The following ZNRF1 variants were observed in gnomAD, a reference collection of about 807,000 sequenced individuals.
ZNRF1 encodes the protein E3 ubiquitin-protein ligase ZNRF1.
A neutral mutation model predicts 18.4 loss-of-function variants in ZNRF1; 3 were observed. The observed-to-expected ratio is 0.16, with a 90% CI of 0.07 to 0.42. ZNRF1 has a LOEUF of 0.42. ZNRF1 is among the 10% of genes least tolerant of loss of function. The pLI, the probability that ZNRF1 is intolerant of heterozygous loss-of-function variation, is 0.99. For synonymous variants in ZNRF1, 157 were observed against 144.2 expected, an observed-to-expected ratio of 1.09 and a Z score of -0.64; for missense variants, 310 against 329.8, an observed-to-expected ratio of 0.94 and a Z score of 0.47.
chr16:75,068,166 G>A (rs1201955572), intron 1 of ZNRF1, among the ~76,000 whole-genome samples: 6 of 132,972 alleles, frequency 4.5e-5, no homozygotes, highest in African/African-American at 1.7e-4. Flanking sequence ...CCAACCTGGT[G>A]AAAAAGAGCG....
chr16:75,092,746 G>C (rs1413257744), intron 1 of ZNRF1, among the ~76,000 whole-genome samples: 1 of 152,214 alleles, frequency 6.6e-6, no homozygotes, highest in African/African-American at 2.4e-5. Context: ...GTGGCCTTAA[G>C]CCACAAAGGA....
chr16:75,037,299 A>C (rs1326441834), intron 1 of ZNRF1, among the ~76,000 whole-genome samples: 1 of 152,058 alleles, frequency 6.6e-6, no homozygotes, highest in Non-Finnish European at 1.5e-5. Context: ...GCAGCCGGGA[A>C]GTACTCAGTT....
chr16:75,042,005 A>C (rs1350630011), intron 1 of ZNRF1, among the ~76,000 whole-genome samples: 1 of 152,152 alleles, frequency 6.6e-6, no homozygotes, highest in Non-Finnish European at 1.5e-5. Flanking sequence ...TCAAAAAACA[A>C]AGACTTAATT....
At chr16:75,095,938 G>T (rs2036192868) in intron 2 of ZNRF1, among the ~76,000 whole-genome samples, 1 of 152,182 alleles carries the variant, frequency 6.6e-6, no homozygotes, top group South Asian at 2.1e-4. Context: ...AGGAAGGGGA[G>T]ATTGGCCAGC....
chr16:75,009,666 C>T (rs945549781), intron 1 of ZNRF1, among the ~76,000 whole-genome samples: 5 of 152,200 alleles, frequency 3.3e-5, no homozygotes, highest in African/African-American at 9.6e-5. Context: ...AGTGGAATTG[C>T]TCCATCATTT....
chr16:75,050,469 T>C (rs181191270), intron 1 of ZNRF1, among the ~76,000 whole-genome samples: 242 of 152,068 alleles, frequency 1.6e-3, no homozygotes, highest in Admixed American at 2.9e-3. Flanking sequence ...GAGGTTGCAG[T>C]AAGCTGAGAT....
At chr16:75,086,356 C>A (rs1006053839) in intron 1 of ZNRF1, among the ~76,000 whole-genome samples, 1 of 152,170 alleles carries the variant, frequency 6.6e-6, no homozygotes, top group African/African-American at 2.4e-5. Flanking sequence ...TCTGGGGAAA[C>A]AGGTGAGCCT....
rs190206217 is a variant in ZNRF1, at chr16:75,083,767, A to G, written c.425-9805A>G. ...AGTTGAGGCCTAGGCAGAGTTAGAA[A>G]GGCTGCACTCCAGAGAAAATGCACA... is the stretch of plus-strand genomic sequence containing the variant. On this transcript the variant is annotated intron_variant, in intron 1 of 4. Coordinates refer to ENST00000335325, the MANE Select transcript of ZNRF1 (RefSeq NM_032268.5). 1.3e-3 allele frequency among the ~76,000 whole-genome samples: 192 copies of G among 152,292 alleles called. 1 individual carries two copies. The highest frequency in any genetic ancestry group is 2.9e-3 in the Admixed American group (45 of 15,294).
intron 1 of ZNRF1, among the ~76,000 whole-genome samples, chr16:75,015,926 T>C (rs977462902): frequency 1.7e-4 from 26 of 150,964 alleles, no homozygotes; most frequent in Admixed American, 7.2e-4. Flanking sequence ...CTTTTCTTTT[T>C]TTTTTTTTTT....
intron 1 of ZNRF1, among the ~76,000 whole-genome samples, chr16:75,039,122 A>G (rs563685168): frequency 2.6e-5 from 4 of 152,234 alleles, no homozygotes; most frequent in African/African-American, 4.8e-5. Context: ...AATAGTTCCT[A>G]TAGATCTAAC....
rs2145434927 is a variant in ZNRF1, at chr16:75,108,483, A to G, written c.*783A>G. On this transcript the variant is annotated 3_prime_UTR_variant, in exon 5 of 5. Coordinates refer to ENST00000335325, the MANE Select transcript of ZNRF1 (RefSeq NM_032268.5). ...AAACTTAAACAAAAAAAGACTTACT[A>G]AGAAATATGTACAGCTACCCCTGTT... The G allele has an allele frequency of 5.0e-6, 2 of 398,580 alleles. No homozygotes were observed. The highest frequency in any genetic ancestry group is 4.4e-5 in the Admixed American group (1 of 22,720). 24.7% of individuals were successfully genotyped at this position (398,580 alleles called of 1,614,324 possible).
At chr16:75,018,105 A>G (rs2035094586) in intron 1 of ZNRF1, among the ~76,000 whole-genome samples, 1 of 152,246 alleles carries the variant, frequency 6.6e-6, no homozygotes, top group Non-Finnish European at 1.5e-5. Context: ...GCATATCCAC[A>G]TCACTCACAA....
chr16:75,043,424 A>G (rs1236010332), intron 1 of ZNRF1, among the ~76,000 whole-genome samples: 4 of 152,062 alleles, frequency 2.6e-5, no homozygotes. Context: ...CTTCTTTTAC[A>G]TTTTAGACAT....
chr16:75,063,760 A>G (rs902388344), intron 1 of ZNRF1, among the ~76,000 whole-genome samples: 2 of 152,166 alleles, frequency 1.3e-5, no homozygotes, highest in African/African-American at 4.8e-5. Flanking sequence ...TGTGAGTGGA[A>G]GACTCAATCA....
Position 75,019,711 on chromosome 16 carries a change from TTGTTC to T in ZNRF1, c.424+19621_424+19625del, listed in dbSNP as rs1016566974. Among the ~76,000 whole-genome samples the T allele has an allele frequency of 1.1e-3, 160 of 152,206 alleles. 1 individual carries two copies. The highest frequency in any genetic ancestry group is 3.7e-3 in the East Asian group (19 of 5,182). On this transcript the variant is annotated intron_variant, in intron 1 of 4. Coordinates refer to ENST00000335325, the MANE Select transcript of ZNRF1 (RefSeq NM_032268.5). ...ATTTTACCAACTTTTGATTTTTGTT[TTGTTC>T]TGTTTTGTTTTGTTTGTTTGTTTGT...
intron 1 of ZNRF1, among the ~76,000 whole-genome samples, chr16:75,045,714 G>C (rs1374240348): frequency 1.4e-5 from 2 of 146,432 alleles, no homozygotes; most frequent in Non-Finnish European, 3.0e-5. Flanking sequence ...CTTCTTCTTC[G>C]TCTTTTTTTT....
chr16:75,016,191 G>A (rs1292075441), intron 1 of ZNRF1, among the ~76,000 whole-genome samples: 2 of 152,020 alleles, frequency 1.3e-5, no homozygotes, highest in African/African-American at 4.8e-5. Context: ...CCAAAGTGCT[G>A]GGATTACAGG....
At chr16:75,058,660 C>T (rs891543717) in intron 1 of ZNRF1, among the ~76,000 whole-genome samples, 2 of 152,148 alleles carry the variant, frequency 1.3e-5, no homozygotes, top group African/African-American at 4.8e-5. Context: ...AACCTCATCA[C>T]GCTGCTTTGG....
chr16:75,003,687 G>C (rs1006728175), intron 1 of ZNRF1, among the ~76,000 whole-genome samples: 1 of 152,156 alleles, frequency 6.6e-6, no homozygotes, highest in African/African-American at 2.4e-5. Flanking sequence ...TGGAGATTGC[G>C]CTGGCCTACG....
Sources: allele counts gnomAD v4.1 joint callset (sites outside exome capture counted in the v4.1 genomes callset), GRCh38; gene constraint gnomAD v4.1.1; transcripts MANE v1.5; gene names NCBI Gene and HGNC (gene_info 2026-07-23, HGNC 2026-07-21).